The following SMARCC1 variants were observed in gnomAD, a reference collection of about 807,000 sequenced individuals.
SMARCC1 encodes the protein SWI/SNF complex subunit SMARCC1.
Under a neutral mutation model 147.4 loss-of-function variants are expected in SMARCC1, and 43 were observed. That is an observed-to-expected ratio of 0.29 (90% CI 0.23 to 0.38). The LOEUF (loss-of-function observed/expected upper bound fraction) is 0.38, where lower values mean the gene tolerates loss of function less well. SMARCC1 is among the 10% of genes least tolerant of loss of function. The probability of loss-of-function intolerance (pLI) is 1.00; values close to 1 mark genes in which losing one functional copy is unlikely to be tolerated. For missense variants in SMARCC1, 1,119 were observed against 1,381.1 expected (o/e 0.81, Z 3.01); for synonymous variants, 495 against 484.4 (o/e 1.02, Z -0.29).
At chr3:47,656,819 C>T (rs1369684879) in intron 21 of SMARCC1, among the ~76,000 whole-genome samples, 1 of 152,004 alleles carries the variant, frequency 6.6e-6, no homozygotes, top group Non-Finnish European at 1.5e-5. Flanking sequence ...GAGGCTAAGG[C>T]AGGAGGATCA....
At chr3:47,751,167 G>A (rs1036952520) in intron 2 of SMARCC1, among the ~76,000 whole-genome samples, 1 of 151,978 alleles carries the variant, frequency 6.6e-6, no homozygotes, top group Admixed American at 6.6e-5. Flanking sequence ...CAAAGTGCTG[G>A]GATTACTAGC....
intron 19 of SMARCC1, chr3:47,663,919 G>A (rs2033385255): frequency 6.9e-7 from 1 of 1,454,242 alleles, no homozygotes; most frequent in Non-Finnish European, 9.6e-7. Context: ...TCACCGCTAT[G>A]AAGTCTCAAC....
chr3:47,732,853 T>TA (rs2034392369), intron 5 of SMARCC1, among the ~76,000 whole-genome samples: 1 of 152,026 alleles, frequency 6.6e-6, no homozygotes, highest in Non-Finnish European at 1.5e-5. Flanking sequence ...CTCACACCTG[T>TA]AATCCCAGCA....
Position 47,676,862 on chromosome 3 carries a change from A to C in SMARCC1, c.1572-80T>G, listed in dbSNP as rs2033581249. Reference sequence around the variant, plus strand: ...TACTATCATCATCATGCCATTAAAAAACAGAAACAATAAAACCAGTAAATG... The same window carrying C: ...TACTATCATCATCATGCCATTAAAACACAGAAACAATAAAACCAGTAAATG... On this transcript the variant is annotated intron_variant, in intron 16 of 27. Transcript: ENST00000254480. 11 of 1,252,180 alleles carry C rather than the reference A, an allele frequency of 8.8e-6. 1 individual carries two copies. The South Asian group carries it at 1.4e-4, about 16-fold the overall frequency. 77.6% of individuals were successfully genotyped at this position (1,252,180 alleles called of 1,614,324 possible).
At chr3:47,661,947 T>A (rs1441147770) in intron 20 of SMARCC1, among the ~76,000 whole-genome samples, 2 of 151,942 alleles carry the variant, frequency 1.3e-5, no homozygotes, top group Non-Finnish European at 2.9e-5. Context: ...TCCCTCCAAT[T>A]CCTAAAGCTC....
At chr3:47,753,997 A>C (rs1243054024) in intron 2 of SMARCC1, among the ~76,000 whole-genome samples, 2 of 152,166 alleles carry the variant, frequency 1.3e-5, no homozygotes, top group Admixed American at 6.6e-5. Context: ...AAAATGACAC[A>C]CGTCAAAAAT....
chr3:47,726,698 A>G (rs1237790817), intron 6 of SMARCC1, among the ~76,000 whole-genome samples: 1 of 152,258 alleles, frequency 6.6e-6, no homozygotes, highest in East Asian at 1.9e-4. Context: ...AACTTTGAAG[A>G]CATTACACTA....
At position 47,701,421 on chromosome 3, in the gene SMARCC1, T is replaced by C; in HGVS notation, c.1041-19A>G. The stretch of plus-strand genomic sequence containing the variant: ...AGCTTGGCTAAAACATACAAGTATA[T>C]GAAATATAAACAAGACTGATTATAG... On this transcript the variant is annotated intron_variant, in intron 10 of 27. Transcript: ENST00000254480. 6.2e-7 allele frequency: 1 copy of C among 1,611,458 alleles called. No homozygotes were observed.
intron 6 of SMARCC1, among the ~76,000 whole-genome samples, chr3:47,725,251 G>A (rs148189987): frequency 3.3e-5 from 5 of 151,908 alleles, no homozygotes; most frequent in East Asian, 3.9e-4. Context: ...TCATTTCTAC[G>A]AAATGACCTG....
chr3:47,736,179 A>G, intron 4 of SMARCC1, 53 bp from the exon 5 acceptor site: 1 of 1,011,774 alleles, frequency 9.9e-7, no homozygotes, highest in Non-Finnish European at 1.5e-6. Flanking sequence ...AAATAATATC[A>G]TATTATTTAT....
At position 47,636,068 on chromosome 3, in the gene SMARCC1, AT is replaced by A; in HGVS notation, c.2444del (p.Asn815IlefsTer10). Reference protein sequence around the residue: ...DKAQDGENEKNSEKEQDSEVS... With the variant: ...DKAQDGENEKXSEKEQDSEVS... ...CTTCACTATCCTGTTCCTTTTCACT[AT>A]TTTTTTCATTTTCTCCATCTTGTGC... On this transcript the variant is annotated frameshift_variant, in exon 23 of 28. Transcript: ENST00000254480. LOFTEE classifies it high-confidence loss of function. The A allele has an allele frequency of 6.2e-7, 1 of 1,608,096 alleles. No homozygotes were observed.
chr3:47,750,545 T>C (rs937253831), intron 2 of SMARCC1, among the ~76,000 whole-genome samples: 1 of 152,164 alleles, frequency 6.6e-6, no homozygotes, highest in African/African-American at 2.4e-5. Flanking sequence ...CCCAGATTGG[T>C]CTAAAATGTT....
rs1373072151 is a variant in SMARCC1 at position 47,624,855 on chromosome 3, G to GC, written c.2647-2515dup. Among the ~76,000 whole-genome samples the GC allele has an allele frequency of 2.7e-5, 4 of 146,028 alleles. No individual in the cohort carries two copies. The East Asian group carries it at 8.0e-4, about 29-fold the overall frequency. On this transcript the variant is annotated intron_variant, in intron 24 of 27. Transcript: ENST00000254480. ...ACAGAAGGCCAGGAGTTCAAAACCA[G>GC]CCTGGCCAACATAGTAAAACCCTGT...
chr3:47,609,959 T>C, intron 26 of SMARCC1, 107 bp downstream of exon 26: 2 of 1,215,088 alleles, frequency 1.6e-6, no homozygotes, highest in African/African-American at 1.5e-5. Context: ...AATGAAAATT[T>C]TGAGCAGTCT....
chr3:47,607,590 G>A (rs1396685582), intron 26 of SMARCC1, among the ~76,000 whole-genome samples: 1 of 152,136 alleles, frequency 6.6e-6, no homozygotes, highest in Non-Finnish European at 1.5e-5. Context: ...AGGAATGTGG[G>A]GTTTGGGGGG....
At chr3:47,691,168 T>C (rs559514272) in intron 12 of SMARCC1, among the ~76,000 whole-genome samples, 1 of 152,286 alleles carries the variant, frequency 6.6e-6, no homozygotes, top group Non-Finnish European at 1.5e-5. Context: ...TATTATTGAA[T>C]GGTAATATTC....
chr3:47,716,796 T>C (rs2106805066), intron 7 of SMARCC1, among the ~76,000 whole-genome samples: 1 of 152,290 alleles, frequency 6.6e-6, no homozygotes, highest in South Asian at 2.1e-4. Flanking sequence ...TGGGAGTGCT[T>C]TACAGAAAGA....
intron 26 of SMARCC1, among the ~76,000 whole-genome samples, chr3:47,599,664 G>T (rs1255395746): frequency 6.6e-6 from 1 of 152,150 alleles, no homozygotes; most frequent in Non-Finnish European, 1.5e-5. Context: ...ATCAAGGTCT[G>T]GGGGAGAGGG....
chr3:47,701,895 A>C (rs2033922881), intron 10 of SMARCC1, among the ~76,000 whole-genome samples: 1 of 152,176 alleles, frequency 6.6e-6, no homozygotes, highest in South Asian at 2.1e-4. Flanking sequence ...TAACCAGCCA[A>C]TAAAAGAAAA....
Sources: allele counts gnomAD v4.1 joint callset (sites outside exome capture counted in the v4.1 genomes callset), GRCh38; gene constraint gnomAD v4.1.1; transcripts MANE v1.5; gene names NCBI Gene and HGNC (gene_info 2026-07-23, HGNC 2026-07-21).